Variants in ABCB7 observed in about 807,000 individuals in gnomAD.
ABCB7 encodes the protein iron-sulfur clusters transporter ABCB7, mitochondrial.
ABCB7 carries 7 observed loss-of-function variants against 54.4 expected under a neutral mutation model. The observed-to-expected ratio is 0.13, with a 90% confidence interval of 0.07 to 0.24. The LOEUF is 0.24. Among genes scored for constraint, ABCB7 ranks in the 10% least tolerant of loss-of-function variants. ABCB7 has a pLI of 1.00. For synonymous variants in ABCB7, 218 were observed against 207.1 expected (o/e 1.05, Z -0.45); for missense variants, 356 against 570.4 (o/e 0.62, Z 3.83).
At chrX:75,125,217 A>T (rs921061547) in intron 1 of ABCB7, among the ~76,000 whole-genome samples, 3 of 111,283 alleles carry the variant, frequency 2.7e-5, no homozygotes, top group East Asian at 5.6e-4. Context: ...CTTTATAAGC[A>T]TTCCAGCAAA....
intron 3 of ABCB7, among the ~76,000 whole-genome samples, chrX:75,102,252 C>G (rs756280839): frequency 9.0e-6 from 1 of 110,721 alleles, no homozygotes; most frequent in Non-Finnish European, 1.9e-5. Context: ...TATAGTCACC[C>G]TGCTCTGCTA....
At chrX:75,098,042 C>T (rs927056529) in intron 4 of ABCB7, among the ~76,000 whole-genome samples, 31 of 111,789 alleles carry the variant, frequency 2.8e-4, no homozygotes, top group Non-Finnish European at 4.5e-4. Context: ...GGTGCGGTGG[C>T]TCATGCCTGT....
chrX:75,121,288 CAA>C (rs34049274), intron 1 of ABCB7, among the ~76,000 whole-genome samples: 105 of 39,029 alleles, frequency 2.7e-3, no homozygotes, highest in Middle Eastern at 0.018. Context: ...GACTCTGTCT[CAA>C]AAAAAAAAAA....
intron 4 of ABCB7, among the ~76,000 whole-genome samples, chrX:75,087,191 C>T (rs2081504645): frequency 8.9e-6 from 1 of 111,795 alleles, no homozygotes. Context: ...AATAAACTTG[C>T]TTTCACTTTG....
intron 1 of ABCB7, among the ~76,000 whole-genome samples, chrX:75,150,735 T>A (rs2082125038): frequency 8.9e-6 from 1 of 111,783 alleles, no homozygotes; most frequent in African/African-American, 3.2e-5. Flanking sequence ...TTTTACAATA[T>A]GGGAAAGAAC....
At chrX:75,116,576 A>G (rs907288051) in intron 1 of ABCB7, among the ~76,000 whole-genome samples, 1 of 111,618 alleles carries the variant, frequency 9.0e-6, no homozygotes, top group Non-Finnish European at 1.9e-5. Context: ...CCACACAGAC[A>G]TCTGCAAAAT....
intron 1 of ABCB7, among the ~76,000 whole-genome samples, chrX:75,149,085 T>G (rs2082113199): frequency 9.0e-6 from 1 of 111,282 alleles, no homozygotes; most frequent in South Asian, 3.8e-4. Flanking sequence ...AAAGCAGAAG[T>G]TTAAAAGTTG....
rs927019530 is a variant in ABCB7, at chrX:75,065,547, A to G, written c.1660-306T>C. Among the ~76,000 whole-genome samples, 5 of 111,764 alleles carry G rather than the reference A, an allele frequency of 4.5e-5. No homozygotes were observed. The Admixed American group carries it at 4.8e-4, about 11-fold the overall frequency. ...TTTGCAATTGCTTTTTTCAGTTAAC[A>G]TATCATAGAGATTGTCCATGTCAAT... On this transcript the variant is annotated intron_variant, in intron 12 of 15. Coordinates refer to ENST00000373394, the MANE Select transcript of ABCB7 (RefSeq NM_001271696.3).
chrX:75,122,861 G>GTGTGTGT (rs372924417), intron 1 of ABCB7, among the ~76,000 whole-genome samples: 4 of 93,131 alleles, frequency 4.3e-5, no homozygotes, highest in African/African-American at 1.2e-4. Flanking sequence ...TTAAAATTGG[G>GTGTGTGT]GTGTGTGTGT....
chrX:75,141,802 T>C (rs2082055959), intron 1 of ABCB7, among the ~76,000 whole-genome samples: 1 of 110,880 alleles, frequency 9.0e-6, no homozygotes, highest in African/African-American at 3.3e-5. Flanking sequence ...TCAGGGCCAG[T>C]GCAGGGAAAA....
At chrX:75,093,310 C>T (rs1296648316) in intron 4 of ABCB7, among the ~76,000 whole-genome samples, 2 of 111,273 alleles carry the variant, frequency 1.8e-5, no homozygotes, top group African/African-American at 3.3e-5. Flanking sequence ...GTGAAGGAAG[C>T]CAGTCTGAAA....
At chrX:75,065,014 A>C in intron 13 of ABCB7, 56 bp downstream of exon 13, 1 of 1,180,848 alleles carries the variant, frequency 8.5e-7, no homozygotes, top group Non-Finnish European at 1.1e-6. Context: ...GGCTCTGACA[A>C]ATTAGAGTTT....
chrX:75,072,948 A>G (rs1461900912), intron 8 of ABCB7, among the ~76,000 whole-genome samples: 1 of 106,182 alleles, frequency 9.4e-6, no homozygotes, highest in East Asian at 3.0e-4. Context: ...TTTACTTTTT[A>G]AACTTTTTTG....
At chrX:75,136,409 G>A (rs1295343001) in intron 1 of ABCB7, among the ~76,000 whole-genome samples, 4 of 110,878 alleles carry the variant, frequency 3.6e-5, no homozygotes, top group South Asian at 7.7e-4. Context: ...TGTTAAAATC[G>A]CCATACTGCC....
intron 3 of ABCB7, 79 bp from the exon 4 acceptor site, chrX:75,099,140 ATATT>A: frequency 9.7e-7 from 1 of 1,029,846 alleles, no homozygotes; most frequent in Non-Finnish European, 1.3e-6. Flanking sequence ...TAGAATTTAT[ATATT>A]TGAGAAATAC....
In ABCB7 at chrX:75,071,686, AC is replaced by A; in HGVS notation, c.1033-4del. On this transcript the variant is annotated splice_polypyrimidine_tract_variant and splice_region_variant and intron_variant, in intron 8 of 15. Transcript: ENST00000373394. ...TCATATCTTTCATTATTAAAATACT[AC>A]AAAATATATAAAAATAACTATAGGC... 9.1e-7 allele frequency: 1 copy of A among 1,102,399 alleles called. No homozygotes were observed. The highest frequency in any genetic ancestry group is 1.2e-6 in the Non-Finnish European group (1 of 808,605). 90.9% of individuals were successfully genotyped at this position (1,102,399 alleles called of 1,213,427 possible).
At position 75,108,150 on chromosome X, in the gene ABCB7, C is replaced by CTG. The variant is rs1175564714; in HGVS notation, c.333+4734_333+4735dup. Among the ~76,000 whole-genome samples, 3 of 111,222 alleles carry CTG rather than the reference C, an allele frequency of 2.7e-5. No homozygotes were observed. In the Admixed American group the frequency reaches 2.9e-4, roughly 11 times the overall value. On this transcript the variant is annotated intron_variant, in intron 3 of 15. Transcript: ENST00000373394. The stretch of plus-strand genomic sequence containing the variant: ...GGAGAGGAGTGGGAAGGACTGCATC[C>CTG]TGTGGTATGAGTGCCGGCTCAGCCT...
At chrX:75,142,382 A>G (rs2082060242) in intron 1 of ABCB7, among the ~76,000 whole-genome samples, 1 of 111,961 alleles carries the variant, frequency 8.9e-6, no homozygotes, top group Admixed American at 9.5e-5. Context: ...AGATGCTACC[A>G]TCATTTTTTC....
intron 1 of ABCB7, among the ~76,000 whole-genome samples, chrX:75,142,845 G>A (rs1345775001): frequency 8.9e-6 from 1 of 112,268 alleles, no homozygotes; most frequent in Admixed American, 9.4e-5. Flanking sequence ...TCTTATTCAC[G>A]GCTATAGCCC....
Sources: allele counts gnomAD v4.1 joint callset (sites outside exome capture counted in the v4.1 genomes callset), GRCh38; gene constraint gnomAD v4.1.1; transcripts MANE v1.5; gene names NCBI Gene and HGNC (gene_info 2026-07-23, HGNC 2026-07-21).